SHC2: variants seen among roughly 807,000 people sequenced by gnomAD.
SHC2 encodes the protein SHC adaptor protein 2.
A neutral mutation model predicts 60.6 loss-of-function variants in SHC2; 62 were observed. The observed-to-expected ratio is 1.02, with a 90% confidence interval of 0.83 to 1.26. The LOEUF (loss-of-function observed/expected upper bound fraction) is 1.26, where lower values mean the gene tolerates loss of function less well. Among genes scored for constraint, SHC2 ranks in the 50% most tolerant of loss-of-function variants. The pLI, the probability that SHC2 is intolerant of heterozygous loss-of-function variation, is 0.00. For synonymous variants in SHC2, 375 were observed against 372.4 expected, an observed-to-expected ratio of 1.01 and a Z score of -0.08; for missense variants, 873 against 822.2, an observed-to-expected ratio of 1.06 and a Z score of -0.76.
At chr19:426,105 G>A (rs1369586202) in intron 9 of SHC2, among the ~76,000 whole-genome samples, 3 of 151,868 alleles carry the variant, frequency 2.0e-5, no homozygotes, top group Non-Finnish European at 4.4e-5. Flanking sequence ...CATCTCCCTC[G>A]GGAGCTGCCT....
chr19:443,864 GGGTGGATGGATGTGTA>G (rs985744132), intron 1 of SHC2, among the ~76,000 whole-genome samples: 2 of 150,392 alleles, frequency 1.3e-5, no homozygotes, highest in African/African-American at 4.9e-5. Flanking sequence ...ACGGATGGAT[GGGTGGATGGATGTGTA>G]GGTGGATGGG....
Position 422,605 on chromosome 19 carries a change from C to T in SHC2, c.1310-149G>A. On this transcript the variant is annotated intron_variant, in intron 10 of 12. Coordinates refer to ENST00000264554, the MANE Select transcript of SHC2 (RefSeq NM_012435.3). This position sits in a 1 kb window ranked among gnomAD's most constrained non-coding sequence, Gnocchi z 5.0. ...GAGCGCCCACAGCGTATCAGACTCG[C>T]ACTCTGCCCAGCCCCGTGCGTGCGG... is the stretch of plus-strand genomic sequence containing the variant. 2 of 660,802 alleles carry T rather than the reference C, an allele frequency of 3.0e-6. No homozygotes were observed. Among genetic ancestry groups the T allele is most frequent in the African/African-American group, 1.8e-5 (1 of 54,930 alleles). 40.9% of individuals were successfully genotyped at this position (660,802 alleles called of 1,614,324 possible).
intron 1 of SHC2, among the ~76,000 whole-genome samples, chr19:458,832 A>G (rs144807057): frequency 0.047 from 6,994 of 148,058 alleles, 444 homozygotes; most frequent in African/African-American, 0.14. Context: ...GGGAGGCGGA[A>G]GAGGGTTCCG....
At chr19:436,715 G>C (rs1404387828) in intron 4 of SHC2, 32 bp from the exon 5 acceptor site, 7 of 1,593,156 alleles carry the variant, frequency 4.4e-6, no homozygotes, top group Admixed American at 1.7e-5. Flanking sequence ...GCGGTCATGG[G>C]GGCCCCGCTT....
At position 438,053 on chromosome 19, in the gene SHC2, T is replaced by C. The variant is rs551050277; in HGVS notation, c.720+665A>G. On this transcript the variant is annotated intron_variant, in intron 4 of 12. Transcript: ENST00000264554. The surrounding 1 kb of genome is among the most constrained non-coding windows in gnomAD (Gnocchi z 5.0). ...AGGCTGGAGTGCAGTAGTGCAATCTTGGCTCACTGCAACCTCCACTCCCAG... is the reference window on the plus strand; with the variant it reads ...AGGCTGGAGTGCAGTAGTGCAATCTCGGCTCACTGCAACCTCCACTCCCAG... Among the ~76,000 whole-genome samples the C allele has an allele frequency of 9.8e-5, 15 of 152,316 alleles. No individual in the cohort carries two copies. In the South Asian group the frequency reaches 2.9e-3, roughly 29 times the overall value.
chr19:448,883 T>C (rs566033993), intron 1 of SHC2, among the ~76,000 whole-genome samples: 1 of 151,932 alleles, frequency 6.6e-6, no homozygotes, highest in Non-Finnish European at 1.5e-5. Flanking sequence ...ACGGGGCAAG[T>C]GGCTCACGCC....
chr19:437,559 C>CA (rs1389639826), intron 4 of SHC2, among the ~76,000 whole-genome samples: 1 of 152,130 alleles, frequency 6.6e-6, no homozygotes, highest in East Asian at 1.9e-4. Flanking sequence ...CCGGCCCAGC[C>CA]AGGAGGGTCT....
chr19:445,083 C>T lies in SHC2; in HGVS notation c.469-4151G>A, dbSNP rs1053918558. Among the ~76,000 whole-genome samples the T allele has an allele frequency of 2.0e-5, 3 of 152,236 alleles. No individual in the cohort carries two copies. Among genetic ancestry groups the T allele is most frequent in the Admixed American group, 1.3e-4 (2 of 15,288 alleles). On this transcript the variant is annotated intron_variant, in intron 1 of 12. Transcript: ENST00000264554. This position sits in a 1 kb window ranked among gnomAD's most constrained non-coding sequence, Gnocchi z 4.4. The stretch of plus-strand genomic sequence containing the variant: ...CACGCTCCACGGCGCCCAGTGCTGC[C>T]GGCCATGTGCTTTTTTAAAAAAGAG...
At position 418,993 on chromosome 19, in the gene SHC2, C is replaced by T. The variant is rs769964099; in HGVS notation, c.1684G>A (p.Gly562Arg). 9 of 1,586,228 alleles carry T rather than the reference C, an allele frequency of 5.7e-6. No homozygotes were observed. The highest frequency in any genetic ancestry group is 1.3e-5 in the African/African-American group (1 of 74,392). ...SHLIDHHLQNGQPIVAAESEL... is the reference protein window; with the variant it reads ...SHLIDHHLQNRQPIVAAESEL... ...CTCTCGGCGGCCACGATGGGCTGCC[C>T]GTTCTGCAGGTGGTGGTCGATCAGG... is the stretch of plus-strand genomic sequence containing the variant. Residue 562 changes from glycine to arginine, a missense_variant, in exon 12 of 13, where the codon GGG (glycine) becomes AGG (arginine). Gly to Arg is a moderately radical substitution (Grantham distance 125). Transcript: ENST00000264554.
In SHC2 at chr19:422,663, A is replaced by C; in HGVS notation, c.1310-207T>G. On this transcript the variant is annotated intron_variant, in intron 10 of 12. Coordinates refer to ENST00000264554, the MANE Select transcript of SHC2 (RefSeq NM_012435.3). This position sits in a 1 kb window ranked among gnomAD's most constrained non-coding sequence, Gnocchi z 5.0. ...ACATGTGTAGCAACCTGGACTCCCC[A>C]GGTTGGGTTTTCTAGGCACGTACTA... 1.9e-6 allele frequency: 1 copy of C among 530,280 alleles called. No individual in the cohort carries two copies. The highest frequency in any genetic ancestry group is 3.5e-5 in the Admixed American group (1 of 28,512). The allele number at this position is 530,280 out of a possible 1,614,324, so 32.8% of individuals were successfully genotyped here.
intron 1 of SHC2, among the ~76,000 whole-genome samples, chr19:458,355 C>CG (rs1568300681): frequency 1.1e-5 from 1 of 93,340 alleles, no homozygotes; most frequent in Non-Finnish European, 2.1e-5. Context: ...AAGCGGGTTC[C>CG]GGGGAGGCGG....
intron 7 of SHC2, 102 bp downstream of exon 7, chr19:436,063 G>T: frequency 7.7e-7 from 1 of 1,302,852 alleles, no homozygotes. Context: ...GGAGGGACAA[G>T]GGCAGGACGG....
At chr19:452,529 C>T (rs1437814812) in intron 1 of SHC2, among the ~76,000 whole-genome samples, 2 of 139,864 alleles carry the variant, frequency 1.4e-5, no homozygotes, top group Non-Finnish European at 3.1e-5. Context: ...TGCGTTTCTC[C>T]GTTTCATTGA....
intron 2 of SHC2, among the ~76,000 whole-genome samples, chr19:439,797 G>A (rs555428926): frequency 4.2e-4 from 64 of 152,132 alleles, no homozygotes; most frequent in Admixed American, 9.8e-4. Context: ...AGGCTGAGAC[G>A]GGCGGATCAC....
Position 440,925 on chromosome 19 carries a change from C to T in SHC2, c.476G>A (p.Gly159Asp). 1 of 1,612,422 alleles carries T rather than the reference C, an allele frequency of 6.2e-7. No individual in the cohort carries two copies. Among genetic ancestry groups the T allele is most frequent in the Non-Finnish European group, 8.5e-7 (1 of 1,179,392 alleles). The change falls in exon 2 of 13, where the codon GGC (glycine) becomes GAC (aspartate). Residue 159 changes from glycine (G) to aspartate (D), a missense_variant. Gly to Asp is a moderately conservative substitution (Grantham distance 94). Coordinates refer to ENST00000264554, the MANE Select transcript of SHC2 (RefSeq NM_012435.3). The surrounding 1 kb of genome is among the most constrained non-coding windows in gnomAD (Gnocchi z 7.0). ...PGVSYVVRYM[G>D]CIEVLRSMRS... ...CATAGAGCGGAGAACCTCGATGCAG[C>T]CCATGTACTGAGGGGAGAGAACAGG...
In SHC2 at chr19:440,721, G is replaced by A. The variant is rs1345013290; in HGVS notation, c.539+141C>T. On this transcript the variant is annotated intron_variant, in intron 2 of 12. Transcript: ENST00000264554. This position sits in a 1 kb window ranked among gnomAD's most constrained non-coding sequence, Gnocchi z 7.0. ...CAGGGCGGAGACGTGGCGTGAAGTGGGAGGGAGGTGGGGGGCACCGAGGCT... is the reference window on the plus strand; with the variant it reads ...CAGGGCGGAGACGTGGCGTGAAGTGAGAGGGAGGTGGGGGGCACCGAGGCT... 1.4e-6 allele frequency: 1 copy of A among 709,998 alleles called. No individual in the cohort carries two copies. Among genetic ancestry groups the A allele is most frequent in the Non-Finnish European group, 2.5e-6 (1 of 401,026 alleles). The allele number at this position is 709,998 out of a possible 1,614,324, so 44.0% of individuals were successfully genotyped here.
At position 422,628 on chromosome 19, in the gene SHC2, C is replaced by T. The variant is rs976108635; in HGVS notation, c.1310-172G>A. The T allele has an allele frequency of 1.2e-5, 7 of 591,614 alleles. No homozygotes were observed. The highest frequency in any genetic ancestry group is 5.6e-5 in the African/African-American group (3 of 53,600). The allele number at this position is 591,614 out of a possible 1,614,324, so 36.6% of individuals were successfully genotyped here. Reference sequence around the variant, plus strand: ...CGCACTCTGCCCAGCCCCGTGCGTGCGGTGGGCTCACATGTGTAGCAACCT... The same window carrying T: ...CGCACTCTGCCCAGCCCCGTGCGTGTGGTGGGCTCACATGTGTAGCAACCT... On this transcript the variant is annotated intron_variant, in intron 10 of 12. Transcript: ENST00000264554. This position sits in a 1 kb window ranked among gnomAD's most constrained non-coding sequence, Gnocchi z 5.0.
chr19:451,283 A>T lies in SHC2; in HGVS notation c.468+9246T>A, dbSNP rs992490862. On this transcript the variant is annotated intron_variant, in intron 1 of 12. Coordinates refer to ENST00000264554, the MANE Select transcript of SHC2 (RefSeq NM_012435.3). ...CGCCGTGGCTGTGCTGTATTTCAGC[A>T]TGTGGATGGCCACGCTGTGGCCACA... Among the ~76,000 whole-genome samples the T allele has an allele frequency of 1.0e-4, 12 of 118,888 alleles. No homozygotes were observed. The Admixed American group carries it at 1.0e-3, about 10-fold the overall frequency. 78.0% of individuals were successfully genotyped at this position (118,888 alleles called of 152,430 possible). A position where few individuals can be genotyped will look rare whatever the true frequency, so the allele number is the denominator to read the frequency against.
At position 441,806 on chromosome 19, in the gene SHC2, G is replaced by T. The variant is rs141532843; in HGVS notation, c.469-874C>A. Among the ~76,000 whole-genome samples the T allele has an allele frequency of 7.9e-5, 12 of 152,378 alleles. No homozygotes were observed. In the East Asian group the frequency reaches 2.3e-3, roughly 29 times the overall value. Reference sequence around the variant, plus strand: ...TGAAAAATGCAACATGCAAAATGATGAATAACGTTATGTGAAGTCCACCTC... The same window carrying T: ...TGAAAAATGCAACATGCAAAATGATTAATAACGTTATGTGAAGTCCACCTC... On this transcript the variant is annotated intron_variant, in intron 1 of 12. Transcript: ENST00000264554. This position sits in a 1 kb window ranked among gnomAD's most constrained non-coding sequence, Gnocchi z 4.9.
Sources: allele counts gnomAD v4.1 joint callset (sites outside exome capture counted in the v4.1 genomes callset), GRCh38; gene constraint gnomAD v4.1.1; non-coding constraint Gnocchi (gnomAD v3.1); transcripts MANE v1.5; gene names NCBI Gene and HGNC (gene_info 2026-07-23, HGNC 2026-07-21).